MFHAS1: variants seen among roughly 807,000 people sequenced by gnomAD.
The protein encoded by MFHAS1 is malignant fibrous histiocytoma-amplified sequence 1.
Under a neutral mutation model 70.4 loss-of-function variants are expected in MFHAS1, and 50 were observed. That is an observed-to-expected ratio of 0.71 (90% confidence interval 0.57 to 0.90). The LOEUF (loss-of-function observed/expected upper bound fraction) is 0.90, where lower values mean the gene tolerates loss of function less well. MFHAS1 is among the 40% of genes least tolerant of loss of function. The pLI is 0.00. For synonymous variants in MFHAS1, 952 were observed against 620.0 expected, an observed-to-expected ratio of 1.54 and a Z score of -7.96; for missense variants, 1,795 against 1,347.6, an observed-to-expected ratio of 1.33 and a Z score of -5.20.
intron 1 of MFHAS1, among the ~76,000 whole-genome samples, chr8:8,867,465 T>C (rs564766706): frequency 6.6e-6 from 1 of 152,152 alleles, no homozygotes; most frequent in Non-Finnish European, 1.5e-5. Flanking sequence ...ATGTTTCTAC[T>C]CTTTTATTAT....
At position 8,784,410 on chromosome 8, in the gene MFHAS1, T is replaced by C. The variant is rs1402027072; in HGVS notation, c.*1612A>G. On this transcript the variant is annotated 3_prime_UTR_variant, in exon 3 of 3. Transcript: ENST00000276282. ...TCAAACTTGAGGTGTCCTATTCAAGTATTAAAAAAATGCAAACATCGTCTG... is the reference window on the plus strand; with the variant it reads ...TCAAACTTGAGGTGTCCTATTCAAGCATTAAAAAAATGCAAACATCGTCTG... 1 of 152,140 alleles carries C rather than the reference T, an allele frequency of 6.6e-6. No individual in the cohort carries two copies. Among genetic ancestry groups the C allele is most frequent in the Non-Finnish European group, 1.5e-5 (1 of 68,026 alleles). The allele number at this position is 152,140 out of a possible 1,614,324, so 9.4% of individuals were successfully genotyped here. A position where few individuals can be genotyped will look rare whatever the true frequency, so the allele number is the denominator to read the frequency against.
At chr8:8,851,682 T>G (rs946399485) in intron 1 of MFHAS1, among the ~76,000 whole-genome samples, 1 of 152,210 alleles carries the variant, frequency 6.6e-6, no homozygotes, top group East Asian at 1.9e-4. Context: ...CCCTTCCTCT[T>G]GCCTTGTTTT....
chr8:8,839,327 T>C (rs1222639729), intron 1 of MFHAS1, among the ~76,000 whole-genome samples: 1 of 152,262 alleles, frequency 6.6e-6, no homozygotes, highest in Non-Finnish European at 1.5e-5. Flanking sequence ...CCATTATTTG[T>C]CTTTTTGTGA....
chr8:8,785,612 A>C lies in MFHAS1; in HGVS notation c.*410T>G, dbSNP rs1805513144. ...TTACACTAGTTATGGAACAGCAATG[A>C]ACGTCAGTCGATCCCTCTTTCACAT... On this transcript the variant is annotated 3_prime_UTR_variant, in exon 3 of 3. Transcript: ENST00000276282. 2 of 180,016 alleles carry C rather than the reference A, an allele frequency of 1.1e-5. No individual in the cohort carries two copies. The highest frequency in any genetic ancestry group is 2.4e-5 in the Non-Finnish European group (2 of 84,506). The allele number at this position is 180,016 out of a possible 1,614,324, so 11.2% of individuals were successfully genotyped here.
intron 1 of MFHAS1, among the ~76,000 whole-genome samples, chr8:8,860,477 C>T (rs1808619751): frequency 6.6e-6 from 1 of 152,186 alleles, no homozygotes; most frequent in Non-Finnish European, 1.5e-5. Flanking sequence ...TACTAGAAGC[C>T]TGAGAAAATA....
intron 1 of MFHAS1, among the ~76,000 whole-genome samples, chr8:8,833,193 C>G (rs2117328561): frequency 6.6e-6 from 1 of 152,292 alleles, no homozygotes; most frequent in Non-Finnish European, 1.5e-5. Context: ...GAGACCACCC[C>G]CTGATCCAAT....
At chr8:8,873,519 G>A (rs1456429190) in intron 1 of MFHAS1, among the ~76,000 whole-genome samples, 3 of 147,042 alleles carry the variant, frequency 2.0e-5, no homozygotes, top group African/African-American at 2.5e-5. Context: ...TTAGAGTGCT[G>A]GGTTACACCC....
intron 2 of MFHAS1, among the ~76,000 whole-genome samples, chr8:8,786,886 C>G (rs867628858): frequency 1.3e-5 from 2 of 151,916 alleles, no homozygotes; most frequent in Non-Finnish European, 2.9e-5. Flanking sequence ...CAGTCATGGG[C>G]TCATTCAAGC....
intron 1 of MFHAS1, among the ~76,000 whole-genome samples, chr8:8,862,742 T>C (rs891301682): frequency 2.6e-5 from 4 of 152,188 alleles, no homozygotes; most frequent in Admixed American, 1.3e-4. Flanking sequence ...CAATGTTGTG[T>C]CAATGTAGGT....
intron 1 of MFHAS1, among the ~76,000 whole-genome samples, chr8:8,823,434 C>T (rs892993004): frequency 6.6e-6 from 1 of 152,150 alleles, no homozygotes; most frequent in African/African-American, 2.4e-5. Flanking sequence ...CTGCAAGTTC[C>T]CGAAACACCG....
intron 1 of MFHAS1, among the ~76,000 whole-genome samples, chr8:8,843,226 G>A (rs868275341): frequency 4.0e-5 from 6 of 150,854 alleles, no homozygotes; most frequent in South Asian, 2.1e-4. Context: ...CCGAGATTGC[G>A]CCACTGCAGT....
intron 1 of MFHAS1, among the ~76,000 whole-genome samples, chr8:8,813,951 T>C (rs1003698121): frequency 1.3e-5 from 2 of 151,802 alleles, no homozygotes; most frequent in Middle Eastern, 3.4e-3. Flanking sequence ...TTTTTTTTTT[T>C]TTTTTGAGAC....
At chr8:8,809,133 A>T (rs1351372101) in intron 1 of MFHAS1, among the ~76,000 whole-genome samples, 3 of 152,140 alleles carry the variant, frequency 2.0e-5, no homozygotes, top group Non-Finnish European at 4.4e-5. Context: ...CACTCCCATC[A>T]CCACCAGATG....
At position 8,892,098 on chromosome 8, in the gene MFHAS1, G is replaced by T. The variant is rs1810079297; in HGVS notation, c.961C>A (p.Leu321Ile). The T allele has an allele frequency of 6.2e-7, 1 of 1,613,270 alleles. No homozygotes were observed. ...VPSLISGLGR[L>I]LTLWLDNNRI... is the part of the protein sequence containing the mutation. ...TTATTATCCAGCCACAAGGTGAGAA[G>T]CCGGCCCAGGCCCGAGATAAGGGAT... Residue 321 changes from leucine to isoleucine, a missense_variant, in exon 1 of 3, where the codon CTT becomes ATT. Leu to Ile is a conservative substitution (Grantham distance 5, BLOSUM62 2). Coordinates refer to ENST00000276282, the MANE Select transcript of MFHAS1 (RefSeq NM_004225.3). This position sits in a 1 kb window ranked among gnomAD's most constrained non-coding sequence, Gnocchi z 4.7.
At chr8:8,874,300 T>C (rs1351930385) in intron 1 of MFHAS1, among the ~76,000 whole-genome samples, 1 of 151,540 alleles carries the variant, frequency 6.6e-6, no homozygotes, top group Admixed American at 6.6e-5. Flanking sequence ...TAGACTACTA[T>C]GCTATATTTG....
At chr8:8,852,506 C>G (rs1481096790) in intron 1 of MFHAS1, among the ~76,000 whole-genome samples, 1 of 152,046 alleles carries the variant, frequency 6.6e-6, no homozygotes, top group East Asian at 1.9e-4. Flanking sequence ...CACACAAACA[C>G]ACACACCCAC....
intron 2 of MFHAS1, among the ~76,000 whole-genome samples, chr8:8,791,587 A>C (rs1040472675): frequency 1.3e-5 from 2 of 152,186 alleles, no homozygotes; most frequent in African/African-American, 4.8e-5. Flanking sequence ...TTGTCCAGAG[A>C]AGCTCACACT....
rs61740135 is a variant in MFHAS1, at chr8:8,892,603, G to C, written c.456C>G (p.Ala152=). Residue 152 remains alanine (A), a synonymous_variant, in exon 1 of 3, where the codon GCC becomes GCG. Transcript: ENST00000276282. This position sits in a 1 kb window ranked among gnomAD's most constrained non-coding sequence, Gnocchi z 4.7. ...CCAGGTGAGCGAGAGCGCCCAGCTG[G>C]GCGGGCAGGGCGGGCAGCTGGTTGT... is the stretch of plus-strand genomic sequence containing the variant. ...LSHNQLPALP[A]QLGALAHLEE... The C allele has an allele frequency of 1.9e-6, 3 of 1,608,092 alleles. No homozygotes were observed. Among genetic ancestry groups the C allele is most frequent in the Admixed American group, 3.4e-5 (2 of 59,024 alleles).
At chr8:8,802,361 C>T (rs1458166923) in intron 1 of MFHAS1, among the ~76,000 whole-genome samples, 5 of 152,186 alleles carry the variant, frequency 3.3e-5, no homozygotes, top group Admixed American at 3.3e-4. Flanking sequence ...ACGAAACATA[C>T]TGAACACTGT....
Sources: allele counts gnomAD v4.1 joint callset (sites outside exome capture counted in the v4.1 genomes callset), GRCh38; gene constraint gnomAD v4.1.1; non-coding constraint Gnocchi (gnomAD v3.1); transcripts MANE v1.5; gene names NCBI Gene and HGNC (gene_info 2026-07-23, HGNC 2026-07-21).